The following DOK6 variants were observed in gnomAD, a reference collection of about 807,000 sequenced individuals.
DOK6 encodes downstream of tyrosine kinase 6.
Under a neutral mutation model 44.0 loss-of-function variants are expected in DOK6, and 22 were observed. The observed-to-expected ratio is 0.50, with a 90% confidence interval of 0.36 to 0.71. The LOEUF (loss-of-function observed/expected upper bound fraction) is 0.71, where lower values mean the gene tolerates loss of function less well. Ranked by LOEUF, DOK6 falls within the 30% of genes least tolerant of loss-of-function variation. DOK6 has a pLI of 0.00. For missense variants in DOK6, 340 were observed against 416.4 expected (o/e 0.82, Z 1.60); for synonymous variants, 166 against 145.5 (o/e 1.14, Z -1.01).
At chr18:69,729,176 T>C (rs1293380781) in intron 5 of DOK6, among the ~76,000 whole-genome samples, 7 of 152,168 alleles carry the variant, frequency 4.6e-5, no homozygotes, top group African/African-American at 1.7e-4. Context: ...CATGTACACA[T>C]TCATATATAT....
intron 5 of DOK6, among the ~76,000 whole-genome samples, chr18:69,701,178 A>G (rs1986511266): frequency 1.3e-5 from 2 of 152,194 alleles, no homozygotes; most frequent in Non-Finnish European, 2.9e-5. Context: ...TTGTAATTAT[A>G]ATTATATGCC....
intron 1 of DOK6, among the ~76,000 whole-genome samples, chr18:69,501,688 A>T (rs1194464538): frequency 2.0e-5 from 3 of 152,140 alleles, no homozygotes; most frequent in Non-Finnish European, 2.9e-5. Context: ...CTTTTCTGAT[A>T]AGTCTGTAAC....
At chr18:69,477,804 G>A (rs952867827) in intron 1 of DOK6, among the ~76,000 whole-genome samples, 2 of 152,098 alleles carry the variant, frequency 1.3e-5, no homozygotes, top group Non-Finnish European at 2.9e-5. Context: ...TTACATATTA[G>A]CATGAATTTG....
chr18:69,612,777 A>G (rs1022618155), intron 3 of DOK6, among the ~76,000 whole-genome samples: 1 of 152,236 alleles, frequency 6.6e-6, no homozygotes, highest in African/African-American at 2.4e-5. Context: ...AGTGTGTTGA[A>G]TTATTAATTA....
chr18:69,598,457 G>A (rs1983798428), intron 2 of DOK6, among the ~76,000 whole-genome samples: 1 of 151,874 alleles, frequency 6.6e-6, no homozygotes, highest in African/African-American at 2.4e-5. Context: ...AATATCATAG[G>A]TTGTCATAAA....
At chr18:69,737,819 T>C (rs1223036622) in intron 5 of DOK6, among the ~76,000 whole-genome samples, 4 of 152,146 alleles carry the variant, frequency 2.6e-5, no homozygotes, top group Admixed American at 6.5e-5. Context: ...GAGTGTGACA[T>C]AACAATTTGT....
chr18:69,806,127 T>C (rs1259202594), intron 7 of DOK6, among the ~76,000 whole-genome samples: 1 of 151,958 alleles, frequency 6.6e-6, no homozygotes, highest in Non-Finnish European at 1.5e-5. Flanking sequence ...TCTGGGATCA[T>C]TTTTATTCTT....
At chr18:69,652,427 T>C (rs1985253658) in intron 3 of DOK6, among the ~76,000 whole-genome samples, 1 of 152,190 alleles carries the variant, frequency 6.6e-6, no homozygotes, top group African/African-American at 2.4e-5. Context: ...ATCCCAGGAC[T>C]GTACAGGAGA....
At chr18:69,547,924 A>AATATATAATATATATATAAT (rs1568292863) in intron 1 of DOK6, among the ~76,000 whole-genome samples, 4 of 144,448 alleles carry the variant, frequency 2.8e-5, no homozygotes, top group African/African-American at 9.9e-5. Flanking sequence ...ATCTATATAT[A>AATATATAATATATATATAAT]ATATATAATA....
At chr18:69,706,559 T>C (rs1986638924) in intron 5 of DOK6, among the ~76,000 whole-genome samples, 1 of 151,944 alleles carries the variant, frequency 6.6e-6, no homozygotes, top group Non-Finnish European at 1.5e-5. Context: ...AGTTTTAGGG[T>C]ACATGTGCAC....
At chr18:69,522,312 C>T (rs1475983423) in intron 1 of DOK6, among the ~76,000 whole-genome samples, 1 of 151,866 alleles carries the variant, frequency 6.6e-6, no homozygotes, top group Non-Finnish European at 1.5e-5. Flanking sequence ...ACTTCAACTT[C>T]GGAGGTCCCC....
At position 69,550,777 on chromosome 18, in the gene DOK6, C is replaced by CT. The variant is rs10538639; in HGVS notation, c.67-13689dup. Among the ~76,000 whole-genome samples the CT allele has an allele frequency of 6.4e-3, 783 of 121,402 alleles. 12 individuals carry two copies. Among genetic ancestry groups the CT allele is most frequent in the African/African-American group, 0.022 (738 of 32,926 alleles). The allele number at this position is 121,402 out of a possible 152,430, so 79.6% of individuals were successfully genotyped here. ...TTTGTTTTGTTGTTGTTGTTTCTTT[C>CT]TTTTTTTTTTTTTTTTTTTTTATTT... On this transcript the variant is annotated intron_variant, in intron 1 of 7. Coordinates refer to ENST00000382713, the MANE Select transcript of DOK6 (RefSeq NM_152721.6).
intron 1 of DOK6, among the ~76,000 whole-genome samples, chr18:69,406,027 A>G (rs1302166177): frequency 6.6e-6 from 1 of 152,230 alleles, no homozygotes; most frequent in Non-Finnish European, 1.5e-5. Context: ...CTCATTAAAT[A>G]CTAATTTAGC....
chr18:69,500,777 TCA>T (rs1981026340), intron 1 of DOK6, among the ~76,000 whole-genome samples: 1 of 152,190 alleles, frequency 6.6e-6, no homozygotes, highest in Non-Finnish European at 1.5e-5. Flanking sequence ...TAAATTAATT[TCA>T]GTCAATATAG....
intron 3 of DOK6, among the ~76,000 whole-genome samples, chr18:69,644,302 A>G (rs1422490670): frequency 1.3e-5 from 2 of 152,224 alleles, no homozygotes; most frequent in Non-Finnish European, 2.9e-5. Context: ...TTTATGAGTC[A>G]TTCTTTTAAT....
chr18:69,747,802 A>G (rs1023525645), intron 6 of DOK6, among the ~76,000 whole-genome samples: 4 of 152,210 alleles, frequency 2.6e-5, no homozygotes, highest in Admixed American at 6.5e-5. Flanking sequence ...ACTTGTCCAC[A>G]TAGTTACTTG....
intron 3 of DOK6, among the ~76,000 whole-genome samples, chr18:69,654,808 A>C (rs1985320372): frequency 6.6e-6 from 1 of 152,216 alleles, no homozygotes; most frequent in African/African-American, 2.4e-5. Context: ...CTGTAATCCC[A>C]GTACTTTGGG....
chr18:69,541,308 G>A (rs1982262575), intron 1 of DOK6, among the ~76,000 whole-genome samples: 1 of 151,454 alleles, frequency 6.6e-6, no homozygotes, highest in African/African-American at 2.4e-5. Flanking sequence ...GTACTTGCTT[G>A]TGATGGGGAA....
chr18:69,437,371 A>C (rs907134071), intron 1 of DOK6, among the ~76,000 whole-genome samples: 2 of 152,222 alleles, frequency 1.3e-5, no homozygotes, highest in Admixed American at 6.5e-5. Context: ...AGTCTTTTGC[A>C]TATGGCTAGC....
Sources: allele counts gnomAD v4.1 joint callset (sites outside exome capture counted in the v4.1 genomes callset), GRCh38; gene constraint gnomAD v4.1.1; transcripts MANE v1.5; gene names NCBI Gene and HGNC (gene_info 2026-07-23, HGNC 2026-07-21).